MTMR6: variants seen among roughly 807,000 people sequenced by gnomAD.
MTMR6 encodes myotubularin related protein 6, also known as phosphatidylinositol-3,5-bisphosphate 3-phosphatase MTMR6.
MTMR6 carries 47 observed loss-of-function variants against 80.1 expected under a neutral mutation model. The observed-to-expected ratio is 0.59, with a 90% CI of 0.46 to 0.75. The LOEUF (loss-of-function observed/expected upper bound fraction) is 0.75, where lower values mean the gene tolerates loss of function less well. Among genes scored for constraint, MTMR6 ranks in the 30% least tolerant of loss-of-function variants. The probability of loss-of-function intolerance (pLI) is 0.00; values close to 1 mark genes in which losing one functional copy is unlikely to be tolerated. For synonymous variants in MTMR6, 254 were observed against 253.0 expected, an observed-to-expected ratio of 1.00 and a Z score of -0.04; for missense variants, 629 against 730.9, an observed-to-expected ratio of 0.86 and a Z score of 1.61.
chr13:25,275,377 G>A (rs1391727100), intron 1 of MTMR6, among the ~76,000 whole-genome samples: 1 of 151,944 alleles, frequency 6.6e-6, no homozygotes, highest in Non-Finnish European at 1.5e-5. Flanking sequence ...AGCCAAGATT[G>A]TGCCACTGCA....
In MTMR6 at chr13:25,246,382, T is replaced by C. The variant is rs972728832; in HGVS notation, c.*2850A>G. The C allele has an allele frequency of 6.6e-6, 1 of 150,576 alleles. No individual in the cohort carries two copies. Among genetic ancestry groups the C allele is most frequent in the African/African-American group, 2.4e-5 (1 of 41,138 alleles). 9.3% of individuals were successfully genotyped at this position (150,576 alleles called of 1,614,324 possible). Reference sequence around the variant, plus strand: ...CTAAAGCTTATAGTTTACATTGATATCTAGACATATATCTTAAACAGTCTC... The same window carrying C: ...CTAAAGCTTATAGTTTACATTGATACCTAGACATATATCTTAAACAGTCTC... On this transcript the variant is annotated 3_prime_UTR_variant, in exon 14 of 14. Coordinates refer to ENST00000381801, the MANE Select transcript of MTMR6 (RefSeq NM_004685.5).
At position 25,287,224 on chromosome 13, in the gene MTMR6, C is replaced by CT. The variant is rs1249680457; in HGVS notation, c.23dup (p.Val9GlyfsTer8). On this transcript the variant is annotated frameshift_variant and splice_region_variant, in exon 1 of 14. Transcript: ENST00000381801. LOFTEE classifies it high-confidence loss of function. ...GACTGGCGATCCCGCGCCCGACTAC[C>CT]TTGGTCGTCCGGATATGCTCCATCG... 6.3e-7 allele frequency: 1 copy of CT among 1,598,060 alleles called. No individual in the cohort carries two copies. The highest frequency in any genetic ancestry group is 8.5e-7 in the Non-Finnish European group (1 of 1,174,946).
chr13:25,254,492 T>A, intron 9 of MTMR6, 58 bp from the exon 10 acceptor site: 1 of 1,143,312 alleles, frequency 8.7e-7, no homozygotes, highest in Non-Finnish European at 1.3e-6. Flanking sequence ...TTGTTTAGGC[T>A]GGATTAAATC....
intron 5 of MTMR6, among the ~76,000 whole-genome samples, chr13:25,262,083 C>T (rs1383307700): frequency 6.6e-6 from 1 of 152,120 alleles, no homozygotes; most frequent in Non-Finnish European, 1.5e-5. Context: ...TGTGAAGTAA[C>T]CTACTGTTAT....
At chr13:25,266,320 A>G in intron 3 of MTMR6, 34 bp from the exon 4 acceptor site, 3 of 1,543,570 alleles carry the variant, frequency 1.9e-6, no homozygotes, top group Non-Finnish European at 2.7e-6. Context: ...GTTAAGTGCA[A>G]TTTATAAGAC....
chr13:25,275,848 C>T (rs926026965), intron 1 of MTMR6, among the ~76,000 whole-genome samples: 4 of 121,410 alleles, frequency 3.3e-5, no homozygotes, highest in South Asian at 2.5e-4. Context: ...GCAACAAGAG[C>T]GAAACTCCGT....
chr13:25,280,485 T>G (rs1957820965), intron 1 of MTMR6, among the ~76,000 whole-genome samples: 1 of 152,210 alleles, frequency 6.6e-6, no homozygotes. Flanking sequence ...AAATCAAATG[T>G]TTTTCTTTGC....
chr13:25,272,048 G>A (rs1957591057), intron 2 of MTMR6, among the ~76,000 whole-genome samples: 2 of 152,192 alleles, frequency 1.3e-5, no homozygotes, highest in Non-Finnish European at 1.5e-5. Context: ...ATGTTTTTAT[G>A]ACAGAGCTGG....
chr13:25,257,307 T>G lies in MTMR6; in HGVS notation c.984A>C (p.Glu328Asp). ...AIFLAKAITV[E>D]NASVLVHCSD... ...AACAATGCACCAACACACTTGCATTTTCAACTGTTATTGCCTGAAAAGAAA... is the reference window on the plus strand; with the variant it reads ...AACAATGCACCAACACACTTGCATTGTCAACTGTTATTGCCTGAAAAGAAA... Residue 328 changes from glutamate to aspartate, a missense_variant, in exon 9 of 14, where the codon GAA becomes GAC. Glu to Asp is a conservative substitution (Grantham distance 45). Coordinates refer to ENST00000381801, the MANE Select transcript of MTMR6 (RefSeq NM_004685.5). 1 of 1,613,842 alleles carries G rather than the reference T, an allele frequency of 6.2e-7. No individual in the cohort carries two copies. Among genetic ancestry groups the G allele is most frequent in the East Asian group, 2.2e-5 (1 of 44,870 alleles).
At chr13:25,254,359 T>C in intron 10 of MTMR6, 26 bp downstream of exon 10, 1 of 1,512,558 alleles carries the variant, frequency 6.6e-7, no homozygotes, top group South Asian at 1.1e-5. Context: ...TTTTATAAAA[T>C]ATATGACTGT....
intron 13 of MTMR6, among the ~76,000 whole-genome samples, chr13:25,250,370 T>C (rs1957058107): frequency 6.6e-6 from 1 of 152,108 alleles, no homozygotes; most frequent in Admixed American, 6.6e-5. Flanking sequence ...TAGCATACCA[T>C]AAATAAAGTG....
At chr13:25,271,691 T>C (rs921215131) in intron 2 of MTMR6, among the ~76,000 whole-genome samples, 2 of 152,228 alleles carry the variant, frequency 1.3e-5, no homozygotes, top group Non-Finnish European at 2.9e-5. Context: ...TACCTACTTA[T>C]TGGTGATGTT....
At position 25,248,995 on chromosome 13, in the gene MTMR6, G is replaced by T; in HGVS notation, c.*237C>A. ...GTGTACAGTGCAAATTGTGTTTTGA[G>T]TAAATACATCAAATACCACTCATTT... On this transcript the variant is annotated 3_prime_UTR_variant, in exon 14 of 14. Transcript: ENST00000381801. 2.0e-6 allele frequency: 1 copy of T among 499,030 alleles called. No individual in the cohort carries two copies. 30.9% of individuals were successfully genotyped at this position (499,030 alleles called of 1,614,324 possible).
chr13:25,266,387 C>A, intron 3 of MTMR6, 101 bp from the exon 4 acceptor site: 2 of 1,041,938 alleles, frequency 1.9e-6, no homozygotes, highest in Non-Finnish European at 2.7e-6. Context: ...TTTCTCTTTA[C>A]AATCTTCAAA....
At chr13:25,274,967 C>G (rs917669383) in intron 1 of MTMR6, among the ~76,000 whole-genome samples, 2 of 114,994 alleles carry the variant, frequency 1.7e-5, no homozygotes, top group Admixed American at 1.1e-4. Flanking sequence ...CACATACACA[C>G]ACACACACAC....
chr13:25,286,619 T>C (rs1957958002), intron 1 of MTMR6, among the ~76,000 whole-genome samples: 1 of 152,158 alleles, frequency 6.6e-6, no homozygotes, highest in Non-Finnish European at 1.5e-5. Context: ...CCTTTTAAAA[T>C]ATGGAATAAC....
At chr13:25,282,079 C>T (rs1257773595) in intron 1 of MTMR6, among the ~76,000 whole-genome samples, 1 of 152,182 alleles carries the variant, frequency 6.6e-6, no homozygotes, top group East Asian at 1.9e-4. Context: ...ACTCACCCTG[C>T]TCTAGCTGTC....
intron 1 of MTMR6, among the ~76,000 whole-genome samples, chr13:25,285,918 A>T (rs1206718574): frequency 6.6e-6 from 1 of 152,218 alleles, no homozygotes; most frequent in Non-Finnish European, 1.5e-5. Context: ...GAAGGAAGTC[A>T]CGTGCACTTA....
rs145836634 is a variant in MTMR6, at chr13:25,285,341, C to G, written c.24+1883G>C. ...CATCCACCTAAGAATAGGATTTGCTCTAGTTGATCAGATTCAGTTTACTTT... is the reference window on the plus strand; with the variant it reads ...CATCCACCTAAGAATAGGATTTGCTGTAGTTGATCAGATTCAGTTTACTTT... On this transcript the variant is annotated intron_variant, in intron 1 of 13. Coordinates refer to ENST00000381801, the MANE Select transcript of MTMR6 (RefSeq NM_004685.5). Among the ~76,000 whole-genome samples, 28 of 150,814 alleles carry G rather than the reference C, an allele frequency of 1.9e-4. No individual in the cohort carries two copies. In the East Asian group the frequency reaches 4.5e-3, roughly 24 times the overall value.
Sources: gnomAD v4.1 joint callset for allele counts (sites outside exome capture counted in the v4.1 genomes callset) on GRCh38, gnomAD v4.1.1 for gene constraint, MANE v1.5 for transcripts, NCBI Gene and HGNC (gene_info 2026-07-23, HGNC 2026-07-21) for gene names.